ATG2B: variants seen among roughly 807,000 people sequenced by gnomAD.
The protein encoded by ATG2B is autophagy related 2B.
ATG2B carries 121 observed loss-of-function variants against 241.3 expected under a neutral mutation model. That is an observed-to-expected ratio of 0.50 (90% confidence interval 0.43 to 0.58). The LOEUF is 0.58. Among genes scored for constraint, ATG2B ranks in the 20% least tolerant of loss-of-function variants. ATG2B has a pLI of 0.00. For missense variants in ATG2B, 2,306 were observed against 2,491.6 expected (o/e 0.93, Z 1.59); for synonymous variants, 858 against 876.6 (o/e 0.98, Z 0.37).
At chr14:96,340,209 T>TTGTGTG (rs199502512) in intron 6 of ATG2B, among the ~76,000 whole-genome samples, 3 of 90,338 alleles carry the variant, frequency 3.3e-5, no homozygotes, top group African/African-American at 9.5e-5. Context: ...ACACACATCT[T>TTGTGTG]TGTGTGTGTG....
intron 29 of ATG2B, among the ~76,000 whole-genome samples, chr14:96,308,888 C>T (rs1887074912): frequency 6.6e-6 from 1 of 152,204 alleles, no homozygotes; most frequent in South Asian, 2.1e-4. Context: ...GCTTACCCAA[C>T]TTTATTATCT....
At chr14:96,342,717 C>CA (rs11290481) in intron 5 of ATG2B, among the ~76,000 whole-genome samples, 2,322 of 102,836 alleles carry the variant, frequency 0.023, 69 homozygotes, top group African/African-American at 0.065. Context: ...AGACTCTCTC[C>CA]AAAAAAAAAA....
chr14:96,305,903 C>G, intron 30 of ATG2B, 88 bp from the exon 31 acceptor site: 1 of 982,606 alleles, frequency 1.0e-6, no homozygotes, highest in Admixed American at 2.4e-5. Flanking sequence ...ATTCTTGCTT[C>G]TACATTCTTT....
At chr14:96,330,087 T>C (rs1465657088) in intron 11 of ATG2B, among the ~76,000 whole-genome samples, 4 of 148,460 alleles carry the variant, frequency 2.7e-5, no homozygotes, top group African/African-American at 5.0e-5. Context: ...CAGTGGCTCA[T>C]GCCTGTAATC....
chr14:96,317,272 G>A lies in ATG2B; in HGVS notation c.3083C>T (p.Thr1028Ile). The A allele has an allele frequency of 6.2e-7, 1 of 1,613,788 alleles. No individual in the cohort carries two copies. Among genetic ancestry groups the A allele is most frequent in the South Asian group, 1.1e-5 (1 of 91,026 alleles). ...SEEETLQYFS[T>I]VDPNYRSRRK... ...GCGAGAACGATAGTTGGGATCAACA[G>A]TGGAAAAATACTGCAAAGTCTCCTC... is the stretch of plus-strand genomic sequence containing the variant. The change falls in exon 20 of 42, where the codon ACT (threonine) becomes ATT (isoleucine). Residue 1028 changes from threonine (T) to isoleucine (I), a missense_variant. By Grantham distance (89) the Thr-to-Ile change is moderately conservative. Coordinates refer to ENST00000359933, the MANE Select transcript of ATG2B (RefSeq NM_018036.7).
chr14:96,284,261 C>G lies in ATG2B; in HGVS notation c.*1494G>C, dbSNP rs1177509170. The G allele has an allele frequency of 1.3e-5, 2 of 152,166 alleles. No individual in the cohort carries two copies. The highest frequency in any genetic ancestry group is 4.8e-5 in the African/African-American group (2 of 41,438). The allele number at this position is 152,166 out of a possible 1,614,324, so 9.4% of individuals were successfully genotyped here. ...CCGAATAAGAGATGGTCCCACGGTG[C>G]TTAAACAGGTGGTTACGCTGTTGTC... On this transcript the variant is annotated 3_prime_UTR_variant, in exon 42 of 42. Transcript: ENST00000359933.
At chr14:96,344,827 ATAAG>A (rs1392772684) in intron 3 of ATG2B, 71 bp from the exon 4 acceptor site, 2 of 614,890 alleles carry the variant, frequency 3.3e-6, no homozygotes, top group Middle Eastern at 3.9e-4. Context: ...AAAGAAATAA[ATAAG>A]TACTAGTTTG....
chr14:96,345,220 A>G lies in ATG2B; in HGVS notation c.478+13T>C. On this transcript the variant is annotated intron_variant, in intron 3 of 41. Transcript: ENST00000359933. Reference sequence around the variant, plus strand: ...CAAATCTAAATTTTTGAAAATTCTCAGTAACACCAAACCTGTTTCAATGGT... The same window carrying G: ...CAAATCTAAATTTTTGAAAATTCTCGGTAACACCAAACCTGTTTCAATGGT... 6.3e-7 allele frequency: 1 copy of G among 1,599,910 alleles called. No individual in the cohort carries two copies. The highest frequency in any genetic ancestry group is 1.4e-5 in the African/African-American group (1 of 73,942).
chr14:96,292,917 C>A (rs1288534780), intron 36 of ATG2B: 1 of 152,152 alleles, frequency 6.6e-6, no homozygotes, highest in Admixed American at 6.5e-5. Context: ...CTTTCATATA[C>A]TCTAAATCAT....
intron 18 of ATG2B, among the ~76,000 whole-genome samples, chr14:96,321,560 CTAGA>C: frequency 6.6e-6 from 1 of 152,268 alleles, no homozygotes; most frequent in East Asian, 1.9e-4. Context: ...CTTACAGAGG[CTAGA>C]TAAACTGCTC....
chr14:96,291,587 T>C lies in ATG2B; in HGVS notation c.5579+13A>G, dbSNP rs1197820304. On this transcript the variant is annotated intron_variant, in intron 38 of 41. Coordinates refer to ENST00000359933, the MANE Select transcript of ATG2B (RefSeq NM_018036.7). ...TAACTTCACTTAAAGCTTCATATAATAAATTCACTTACCCATGTCGATAGG... is the reference window on the plus strand; with the variant it reads ...TAACTTCACTTAAAGCTTCATATAACAAATTCACTTACCCATGTCGATAGG... The C allele has an allele frequency of 1.3e-6, 2 of 1,582,048 alleles. No homozygotes were observed. The highest frequency in any genetic ancestry group is 1.7e-5 in the Admixed American group (1 of 58,036).
intron 31 of ATG2B, among the ~76,000 whole-genome samples, chr14:96,305,290 C>T (rs1263717049): frequency 6.6e-6 from 1 of 152,136 alleles, no homozygotes; most frequent in Non-Finnish European, 1.5e-5. Flanking sequence ...TCACATGACT[C>T]ACAGGACCTA....
Position 96,335,188 on chromosome 14 carries a change from T to C in ATG2B, c.925-687A>G, listed in dbSNP as rs190479625. ...AAAGCAATTACTTTATTCTCTATATTACATTCTAAAAAGCAGAATATCCCT... is the reference window on the plus strand; with the variant it reads ...AAAGCAATTACTTTATTCTCTATATCACATTCTAAAAAGCAGAATATCCCT... On this transcript the variant is annotated intron_variant, in intron 6 of 41. Coordinates refer to ENST00000359933, the MANE Select transcript of ATG2B (RefSeq NM_018036.7). 7.9e-5 allele frequency among the ~76,000 whole-genome samples: 12 copies of C among 152,344 alleles called. No individual in the cohort carries two copies. In the South Asian group the frequency reaches 1.0e-3, roughly 13 times the overall value.
At chr14:96,323,225 A>G (rs1887503668) in intron 16 of ATG2B, among the ~76,000 whole-genome samples, 2 of 152,218 alleles carry the variant, frequency 1.3e-5, no homozygotes, top group African/African-American at 2.4e-5. Flanking sequence ...AGTAATTTCA[A>G]TAATAAAGGG....
chr14:96,344,554 A>C, intron 4 of ATG2B, 100 bp downstream of exon 4: 2 of 524,024 alleles, frequency 3.8e-6, no homozygotes, highest in East Asian at 3.2e-5. Context: ...GAAATTATGC[A>C]ATATTTTCAT....
Position 96,289,482 on chromosome 14 carries a change from G to C in ATG2B, c.6006+174C>G. On this transcript the variant is annotated intron_variant, in intron 41 of 41. Coordinates refer to ENST00000359933, the MANE Select transcript of ATG2B (RefSeq NM_018036.7). The surrounding 1 kb of genome is among the most constrained non-coding windows in gnomAD (Gnocchi z 4.3). ...TATTCCTGTCAGCCTATTGGTCCCA[G>C]ACTGGCCCTTTTCCATCACCTCACA... The C allele has an allele frequency of 2.8e-6, 2 of 706,626 alleles. No individual in the cohort carries two copies. The highest frequency in any genetic ancestry group is 2.3e-6 in the Non-Finnish European group (1 of 426,250). The allele number at this position is 706,626 out of a possible 1,614,324, so 43.8% of individuals were successfully genotyped here. A position where few individuals can be genotyped will look rare whatever the true frequency, so the allele number is the denominator to read the frequency against.
At position 96,325,744 on chromosome 14, in the gene ATG2B, T is replaced by C; in HGVS notation, c.2342A>G (p.Tyr781Cys). The C allele has an allele frequency of 6.2e-7, 1 of 1,613,970 alleles. No individual in the cohort carries two copies. The highest frequency in any genetic ancestry group is 1.3e-5 in the African/African-American group (1 of 75,034). The change falls in exon 15 of 42, where the codon TAT (tyrosine) becomes TGT (cysteine). Residue 781 changes from tyrosine to cysteine, a missense_variant. Coordinates refer to ENST00000359933, the MANE Select transcript of ATG2B (RefSeq NM_018036.7). ...FKKSLQKEIL[Y>C]LAFTDLEFKT... Reference sequence around the variant, plus strand: ...AAATTCTAGATCTGTGAAGGCTAAATAAAGGATCTCCTTCTGAAGTGACTT... The same window carrying C: ...AAATTCTAGATCTGTGAAGGCTAAACAAAGGATCTCCTTCTGAAGTGACTT...
At chr14:96,321,066 T>G (rs1365240440) in intron 18 of ATG2B, among the ~76,000 whole-genome samples, 1 of 152,196 alleles carries the variant, frequency 6.6e-6, no homozygotes. Context: ...CAGAGTGGAC[T>G]GTTCTCTGAA....
chr14:96,286,015 AG>A (rs781382605), intron 41 of ATG2B, 30 bp from the exon 42 acceptor site: 111 of 1,570,212 alleles, frequency 7.1e-5, no homozygotes, highest in Admixed American at 3.1e-4. Flanking sequence ...AGGAGAGAGG[AG>A]GGCAGTGAAC....
Sources: gnomAD v4.1 joint callset for allele counts (sites outside exome capture counted in the v4.1 genomes callset) on GRCh38, gnomAD v4.1.1 for gene constraint, Gnocchi (gnomAD v3.1) non-coding constraint, MANE v1.5 for transcripts, NCBI Gene and HGNC (gene_info 2026-07-23, HGNC 2026-07-21) for gene names.